Variants in NOP58 observed in about 807,000 individuals in gnomAD.
NOP58 encodes nucleolar protein 58.
In NOP58, 44 loss-of-function variants were observed where a neutral mutation model predicts 71.2. That is an observed-to-expected ratio of 0.62 (90% CI 0.49 to 0.79). NOP58 has a LOEUF of 0.79. NOP58 is among the 30% of genes least tolerant of loss of function. The pLI is 0.00. For missense variants in NOP58, 538 were observed against 620.2 expected (o/e 0.87, Z 1.41); for synonymous variants, 228 against 200.3 (o/e 1.14, Z -1.17).
intron 1 of NOP58, among the ~76,000 whole-genome samples, chr2:202,267,488 T>C (rs1688436883): frequency 6.6e-6 from 1 of 152,224 alleles, no homozygotes; most frequent in Admixed American, 6.6e-5. Context: ...ATTAGTGTTT[T>C]AAGGAACTTG....
chr2:202,279,189 CT>C (rs1688659613), intron 3 of NOP58, among the ~76,000 whole-genome samples: 1 of 152,158 alleles, frequency 6.6e-6, no homozygotes, highest in Non-Finnish European at 1.5e-5. Context: ...TAGTCCTGAT[CT>C]CAAGTAGCCT....
chr2:202,265,799 G>C lies in NOP58; in HGVS notation c.-143G>C, dbSNP rs546247277. ...ACAGCGTGGAGGGTTTAGGCAGCGT[G>C]TTCTGATTCTTTGCGGGACGGCGAG... On this transcript the variant is annotated 5_prime_UTR_variant, in exon 1 of 15. Coordinates refer to ENST00000264279, the MANE Select transcript of NOP58 (RefSeq NM_015934.5). The C allele has an allele frequency of 3.6e-5, 30 of 824,874 alleles. No individual in the cohort carries two copies. The South Asian group carries it at 4.5e-4, about 12-fold the overall frequency. 51.1% of individuals were successfully genotyped at this position (824,874 alleles called of 1,614,324 possible).
chr2:202,277,111 C>G (rs1688611660), intron 2 of NOP58, among the ~76,000 whole-genome samples: 2 of 152,118 alleles, frequency 1.3e-5, no homozygotes, highest in Admixed American at 1.3e-4. Flanking sequence ...CACGGTGAAA[C>G]CCCGTCTCTA....
At position 202,280,523 on chromosome 2, in the gene NOP58, G is replaced by T. The variant is rs571356816; in HGVS notation, c.176-1828G>T. ...ATTTTTGTATTTTTTAGTAGAGACG[G>T]GGTTTTGCCTGTTGGCCAGGCTGCT... On this transcript the variant is annotated intron_variant, in intron 3 of 14. Coordinates refer to ENST00000264279, the MANE Select transcript of NOP58 (RefSeq NM_015934.5). Among the ~76,000 whole-genome samples the T allele has an allele frequency of 2.0e-3, 305 of 152,216 alleles. 2 individuals carry two copies. Among genetic ancestry groups the T allele is most frequent in the Non-Finnish European group, 2.9e-3 (197 of 67,998 alleles).
intron 2 of NOP58, 24 bp from the exon 3 acceptor site, chr2:202,277,926 T>C: frequency 7.7e-7 from 1 of 1,301,128 alleles, no homozygotes; most frequent in Non-Finnish European, 1.1e-6. Flanking sequence ...ATAACATGTT[T>C]ATCTCTTTTT....
Position 202,303,409 on chromosome 2 carries a change from GA to G in NOP58, c.1571del (p.Lys524ArgfsTer22). 6.2e-6 allele frequency: 10 copies of G among 1,609,828 alleles called. No individual in the cohort carries two copies. Among genetic ancestry groups the G allele is most frequent in the African/African-American group, 1.3e-5 (1 of 74,614 alleles). On this transcript the variant is annotated frameshift_variant, in exon 15 of 15. Transcript: ENST00000264279. LOFTEE classifies it high-confidence loss of function. ...IASPEKKKKK[K>X]KKRENED ...AGAGTCCAGAGAAAAAGAAGAAAAAGAAAAAAAAGAGAGAGAACGAGGATTA... is the reference window on the plus strand; with the variant it reads ...AGAGTCCAGAGAAAAAGAAGAAAAAGAAAAAAAGAGAGAGAACGAGGATTA...
At chr2:202,290,530 G>A (rs1030665828) in intron 7 of NOP58, 73 bp downstream of exon 7, 18 of 1,327,894 alleles carry the variant, frequency 1.4e-5, no homozygotes, top group Non-Finnish European at 1.8e-5. Flanking sequence ...ATGACGTATA[G>A]CATTTTGTTA....
At chr2:202,302,083 CTTTTTTT>C (rs71031885) in intron 13 of NOP58, among the ~76,000 whole-genome samples, 6 of 90,584 alleles carry the variant, frequency 6.6e-5, no homozygotes, top group African/African-American at 2.7e-4. Flanking sequence ...TTTTTTTTTT[CTTTTTTT>C]TTTTTTTTTT....
intron 12 of NOP58, 98 bp from the exon 13 acceptor site, chr2:202,300,136 A>AT: frequency 1.0e-6 from 1 of 1,001,366 alleles, no homozygotes; most frequent in East Asian, 2.5e-5. Flanking sequence ...TTGTGTGCTT[A>AT]TGTAAGTATT....
Position 202,270,722 on chromosome 2 carries a change from C to T in NOP58, c.46-4391C>T, listed in dbSNP as rs184733705. Among the ~76,000 whole-genome samples the T allele has an allele frequency of 1.8e-3, 279 of 152,054 alleles. 6 individuals are homozygous for T. The highest frequency in any genetic ancestry group is 2.4e-3 in the Admixed American group (37 of 15,240). On this transcript the variant is annotated intron_variant, in intron 1 of 14. Coordinates refer to ENST00000264279, the MANE Select transcript of NOP58 (RefSeq NM_015934.5). ...CTGTGATTGAGCCTCTGCACTTTAG[C>T]CTGGACAACAGAGTGAGACCTCATC...
chr2:202,292,830 A>G lies in NOP58; in HGVS notation c.834A>G (p.Arg278=). ...RTQLYEYLQN[R]MMAIAPNVTV... ...AGCTCTATGAATATCTACAAAATCG[A>G]ATGATGGCCATTGCACCCAATGTTA... Residue 278 remains arginine (R), a synonymous_variant, in exon 9 of 15, where the codon CGA becomes CGG. Transcript: ENST00000264279. 1 of 1,613,376 alleles carries G rather than the reference A, an allele frequency of 6.2e-7. No individual in the cohort carries two copies. Among genetic ancestry groups the G allele is most frequent in the Non-Finnish European group, 8.5e-7 (1 of 1,179,276 alleles).
chr2:202,269,568 C>T (rs2105835412), intron 1 of NOP58, among the ~76,000 whole-genome samples: 1 of 151,984 alleles, frequency 6.6e-6, no homozygotes, highest in South Asian at 2.1e-4. Flanking sequence ...GTGATTAATT[C>T]TAGGATATTA....
At chr2:202,302,776 G>A in intron 13 of NOP58, 145 bp from the exon 14 acceptor site, 2 of 1,120,938 alleles carry the variant, frequency 1.8e-6, no homozygotes, top group Non-Finnish European at 2.5e-6. Flanking sequence ...AGGCCTTGGA[G>A]AACCTTCCCA....
rs1052167322 is a variant in NOP58, at chr2:202,291,284, C to A, written c.780+14C>A. ...CTTTGCACCCAGGTAAATTTTACTCCTGGAGAATCTAGTTGTGGTGTTACC... is the reference window on the plus strand; with the variant it reads ...CTTTGCACCCAGGTAAATTTTACTCATGGAGAATCTAGTTGTGGTGTTACC... On this transcript the variant is annotated intron_variant, in intron 8 of 14. Coordinates refer to ENST00000264279, the MANE Select transcript of NOP58 (RefSeq NM_015934.5). 6.3e-7 allele frequency: 1 copy of A among 1,587,668 alleles called. No homozygotes were observed. Among genetic ancestry groups the A allele is most frequent in the Admixed American group, 1.9e-5 (1 of 53,858 alleles).
chr2:202,303,587 C>CA lies in NOP58; in HGVS notation c.*152dup. 1.1e-6 allele frequency: 1 copy of CA among 945,336 alleles called. No homozygotes were observed. Among genetic ancestry groups the CA allele is most frequent in the East Asian group, 2.8e-5 (1 of 36,242 alleles). 58.6% of individuals were successfully genotyped at this position (945,336 alleles called of 1,614,324 possible). On this transcript the variant is annotated 3_prime_UTR_variant, in exon 15 of 15. Transcript: ENST00000264279. Reference sequence around the variant, plus strand: ...ATAACTTCAAACCTATTTGTCTTGACATCAACTCTGTTAACCTTATGTCAT... The same window carrying CA: ...ATAACTTCAAACCTATTTGTCTTGACAATCAACTCTGTTAACCTTATGTCAT...
Position 202,282,462 on chromosome 2 carries a change from G to T in NOP58, c.287G>T (p.Gly96Val), listed in dbSNP as rs1161947556. 2.5e-6 allele frequency: 4 copies of T among 1,607,330 alleles called. No homozygotes were observed. Among genetic ancestry groups the T allele is most frequent in the Non-Finnish European group, 3.4e-6 (4 of 1,178,536 alleles). ...PLAVADAKLG[G>V]VIKEKLNLSC... Reference sequence around the variant, plus strand: ...GCAGTAGCTGATGCTAAACTAGGAGGGGTCATAAAGGTAAAGTCACGATAT... The same window carrying T: ...GCAGTAGCTGATGCTAAACTAGGAGTGGTCATAAAGGTAAAGTCACGATAT... Residue 96 changes from glycine to valine, a missense_variant, in exon 4 of 15, where the codon GGG becomes GTG. Physicochemically the swap from Gly to Val is moderately radical, Grantham distance 109 (BLOSUM62 -3). Transcript: ENST00000264279.
chr2:202,293,068 C>A lies in NOP58; in HGVS notation c.907+165C>A, dbSNP rs148898431. 2.1e-4 allele frequency: 170 copies of A among 812,732 alleles called. No individual in the cohort carries two copies. In the African/African-American group the frequency reaches 2.2e-3, roughly 11 times the overall value. The allele number at this position is 812,732 out of a possible 1,614,324, so 50.3% of individuals were successfully genotyped here. A position where few individuals can be genotyped will look rare whatever the true frequency, so the allele number is the denominator to read the frequency against. On this transcript the variant is annotated intron_variant, in intron 9 of 14. Coordinates refer to ENST00000264279, the MANE Select transcript of NOP58 (RefSeq NM_015934.5). ...AGGGCCAAGTGTTCAATGATGATTT[C>A]TATTTGTTTGCCTGATTTCCTTTTG...
intron 1 of NOP58, 127 bp downstream of exon 1, chr2:202,266,113 G>A: frequency 9.2e-7 from 1 of 1,091,494 alleles, no homozygotes; most frequent in Non-Finnish European, 1.4e-6. Context: ...TCTGGGAGGA[G>A]GGAGAAGGCC....
chr2:202,285,804 G>T (rs1688776086), intron 5 of NOP58, among the ~76,000 whole-genome samples: 1 of 152,164 alleles, frequency 6.6e-6, no homozygotes, highest in Non-Finnish European at 1.5e-5. Flanking sequence ...GTAGGTAGTT[G>T]CTCAAAACCT....
Sources: gnomAD v4.1 joint callset for allele counts (sites outside exome capture counted in the v4.1 genomes callset) on GRCh38, gnomAD v4.1.1 for gene constraint, MANE v1.5 for transcripts, NCBI Gene and HGNC (gene_info 2026-07-23, HGNC 2026-07-21) for gene names.